Variants in ELAVL4 observed in about 807,000 individuals in gnomAD.
ELAVL4 encodes ELAV-like protein 4.
A neutral mutation model predicts 35.6 loss-of-function variants in ELAVL4; 1 was observed. The ratio of observed to expected loss-of-function variants is 0.03; its 90% CI spans 0.01 to 0.13. The LOEUF is 0.13. Ranked by LOEUF, ELAVL4 falls within the 10% of genes least tolerant of loss-of-function variation. The pLI, the probability that ELAVL4 is intolerant of heterozygous loss-of-function variation, is 1.00. For synonymous variants in ELAVL4, 156 were observed against 171.0 expected (o/e 0.91, Z 0.69); for missense variants, 267 against 464.9 (o/e 0.57, Z 3.91).
At chr1:50,126,876 G>A (rs1466797176) in intron 1 of ELAVL4, among the ~76,000 whole-genome samples, 3 of 151,968 alleles carry the variant, frequency 2.0e-5, no homozygotes, top group Admixed American at 6.6e-5. Context: ...TTTGTACAGG[G>A]CACTGAATGA....
At chr1:50,160,294 C>T (rs1314069949) in intron 2 of ELAVL4, among the ~76,000 whole-genome samples, 4 of 152,130 alleles carry the variant, frequency 2.6e-5, no homozygotes, top group Non-Finnish European at 4.4e-5. Context: ...GACGTTCCCC[C>T]GCAATTTCTA....
At chr1:50,197,616 G>A (rs1572634341) in intron 6 of ELAVL4, 149 bp downstream of exon 6, 13 of 655,478 alleles carry the variant, frequency 2.0e-5, no homozygotes, top group East Asian at 6.3e-5. Context: ...TTTTAATTTC[G>A]GACCTCAGTT....
chr1:50,189,441 CT>C (rs959740718), intron 3 of ELAVL4, among the ~76,000 whole-genome samples: 15 of 152,234 alleles, frequency 9.9e-5, no homozygotes, highest in Non-Finnish European at 1.9e-4. Context: ...TGGGAAGTCA[CT>C]TTGGAAAGTG....
intron 1 of ELAVL4, chr1:50,109,668 G>T (rs1478803746): frequency 2.0e-5 from 10 of 499,984 alleles, no homozygotes; most frequent in Non-Finnish European, 3.6e-5. Context: ...CACTGAGATG[G>T]GCAGTTGTGT....
intron 1 of ELAVL4, chr1:50,144,571 C>A: frequency 2.1e-6 from 1 of 469,606 alleles, no homozygotes; most frequent in Non-Finnish European, 4.1e-6. Flanking sequence ...CTATATTTAG[C>A]TTTTTCAGCT....
chr1:50,081,560 T>TAA (rs1393298677), intron 1 of ELAVL4, among the ~76,000 whole-genome samples: 2 of 152,274 alleles, frequency 1.3e-5, no homozygotes, highest in Non-Finnish European at 2.9e-5. Context: ...CTGCCTTTAA[T>TAA]AAGCACACCA....
chr1:50,165,245 T>A (rs1677538951), intron 2 of ELAVL4, among the ~76,000 whole-genome samples: 1 of 152,060 alleles, frequency 6.6e-6, no homozygotes, highest in South Asian at 2.1e-4. Context: ...CTTCAGGGCC[T>A]TTGCACATGA....
chr1:50,097,824 C>G (rs1665784167), intron 1 of ELAVL4, among the ~76,000 whole-genome samples: 1 of 152,146 alleles, frequency 6.6e-6, no homozygotes, highest in South Asian at 2.1e-4. Flanking sequence ...GGCAAACATA[C>G]ATTGATAATA....
chr1:50,106,001 CT>C (rs898430864), upstream of ELAVL4: 21 of 302,726 alleles, frequency 6.9e-5, no homozygotes, highest in Middle Eastern at 9.1e-4. Flanking sequence ...CCCCCCTCTT[CT>C]TTTTTTTCCC....
In ELAVL4 at chr1:50,129,462, T is replaced by A. The variant is rs892321148; in HGVS notation, c.10-15495T>A. On this transcript the variant is annotated intron_variant, in intron 1 of 6. Coordinates refer to ENST00000371824, the MANE Select transcript of ELAVL4 (RefSeq NM_001144774.3). ...TTTCCTTGTAGGAAAGCAGAAACCC[T>A]AATGACTCTTATTAACATTTGAAGT... Among the ~76,000 whole-genome samples the A allele has an allele frequency of 7.9e-5, 12 of 152,274 alleles. No homozygotes were observed. The South Asian group carries it at 2.5e-3, about 32-fold the overall frequency.
chr1:50,095,428 G>GA (rs1285887647), intron 1 of ELAVL4, among the ~76,000 whole-genome samples: 4 of 150,768 alleles, frequency 2.7e-5, no homozygotes, highest in African/African-American at 2.4e-5. Context: ...CTATAAAAAA[G>GA]AAAAAAAAGG....
exon 1 of ELAVL4, chr1:50,048,127 G>C (rs2148464976): frequency 6.6e-7 from 1 of 1,505,534 alleles, no homozygotes; most frequent in East Asian, 2.7e-5. Flanking sequence ...GCCCCACCCA[G>C]CCTCCGCAGC....
intron 1 of ELAVL4, among the ~76,000 whole-genome samples, chr1:50,119,133 A>G (rs1442064283): frequency 1.3e-5 from 2 of 152,104 alleles, no homozygotes; most frequent in East Asian, 1.9e-4. Flanking sequence ...GGCAGACAAT[A>G]AAACTTTTCT....
At chr1:50,063,862 G>C (rs147599224) in intron 1 of ELAVL4, among the ~76,000 whole-genome samples, 1 of 152,182 alleles carries the variant, frequency 6.6e-6, no homozygotes, top group East Asian at 1.9e-4. Context: ...CTAGCTTCAG[G>C]CCCACTGTAT....
intron 2 of ELAVL4, among the ~76,000 whole-genome samples, chr1:50,154,654 C>T (rs1398394074): frequency 6.6e-6 from 1 of 152,088 alleles, no homozygotes; most frequent in East Asian, 1.9e-4. Flanking sequence ...CTTTTATACT[C>T]AGTACTTCCT....
intron 1 of ELAVL4, chr1:50,109,823 T>C: frequency 7.6e-7 from 1 of 1,320,022 alleles, no homozygotes; most frequent in Non-Finnish European, 1.1e-6. Flanking sequence ...GCCTGGCGTG[T>C]TGAGTTGTTG....
At chr1:50,193,705 C>A in intron 3 of ELAVL4, 60 bp from the exon 4 acceptor site, 1 of 1,554,968 alleles carries the variant, frequency 6.4e-7, no homozygotes. Context: ...GTTGTGGACT[C>A]AGCATCTACT....
chr1:50,078,277 G>A (rs1303422590), intron 1 of ELAVL4, among the ~76,000 whole-genome samples: 1 of 152,024 alleles, frequency 6.6e-6, no homozygotes, highest in African/African-American at 2.4e-5. Context: ...TGTGTGAAGC[G>A]ATAAATAATA....
chr1:50,093,757 G>T (rs973614277), intron 1 of ELAVL4, among the ~76,000 whole-genome samples: 1 of 152,154 alleles, frequency 6.6e-6, no homozygotes, highest in Admixed American at 6.5e-5. Flanking sequence ...TCAGGGACCC[G>T]TAAGTATGAA....
Sources: gnomAD v4.1 joint callset for allele counts (sites outside exome capture counted in the v4.1 genomes callset) on GRCh38, gnomAD v4.1.1 for gene constraint, MANE v1.5 for transcripts, NCBI Gene and HGNC (gene_info 2026-07-23, HGNC 2026-07-21) for gene names.